The following TAF3 variants were observed in gnomAD, a reference collection of about 807,000 sequenced individuals.
The protein encoded by TAF3 is transcription initiation factor TFIID subunit 3.
TAF3 carries 7 observed loss-of-function variants against 80.6 expected under a neutral mutation model. That is an observed-to-expected ratio of 0.09 (90% CI 0.05 to 0.16). The LOEUF (loss-of-function observed/expected upper bound fraction) is 0.16. Ranked by LOEUF, TAF3 falls within the 10% of genes least tolerant of loss-of-function variation. The pLI is 1.00. For synonymous variants in TAF3, 444 were observed against 446.1 expected, an observed-to-expected ratio of 1.00 and a Z score of 0.06; for missense variants, 921 against 1,140.2, an observed-to-expected ratio of 0.81 and a Z score of 2.77.
chr10:7,897,579 T>C (rs1055915534), intron 2 of TAF3, among the ~76,000 whole-genome samples: 1 of 152,190 alleles, frequency 6.6e-6, no homozygotes, highest in South Asian at 2.1e-4. Context: ...TGATAATCCA[T>C]ACCCTTCGGT....
intron 2 of TAF3, among the ~76,000 whole-genome samples, chr10:7,933,876 C>G (rs142982628): frequency 2.6e-5 from 4 of 152,186 alleles, no homozygotes; most frequent in African/African-American, 9.7e-5. Flanking sequence ...CAAAGATGCA[C>G]GTTTTCCCCC....
At chr10:7,999,092 G>A (rs1044318516) in intron 4 of TAF3, among the ~76,000 whole-genome samples, 2 of 151,872 alleles carry the variant, frequency 1.3e-5, no homozygotes, top group African/African-American at 4.8e-5. Context: ...TTAAGCAGAT[G>A]GAAGGAAGGT....
intron 2 of TAF3, among the ~76,000 whole-genome samples, chr10:7,951,716 G>A (rs960574402): frequency 7.9e-5 from 12 of 152,170 alleles, no homozygotes; most frequent in East Asian, 1.9e-4. Context: ...ATACTAAGTC[G>A]TTTATATACA....
At chr10:7,872,081 AAGTC>A (rs1368429582) in intron 2 of TAF3, among the ~76,000 whole-genome samples, 3 of 152,312 alleles carry the variant, frequency 2.0e-5, no homozygotes, top group East Asian at 1.9e-4. Context: ...ATATTAAAGA[AAGTC>A]AGCGAAATTT....
At chr10:7,932,626 C>T (rs550442821) in intron 2 of TAF3, among the ~76,000 whole-genome samples, 29 of 151,118 alleles carry the variant, frequency 1.9e-4, no homozygotes, top group Admixed American at 7.2e-4. Context: ...ATTCTTAGTC[C>T]AAAATACAAG....
At chr10:7,905,739 C>T (rs934060109) in intron 2 of TAF3, among the ~76,000 whole-genome samples, 3 of 151,928 alleles carry the variant, frequency 2.0e-5, no homozygotes, top group Non-Finnish European at 4.4e-5. Context: ...AAAAATTAGT[C>T]GGGCGTGGTG....
intron 4 of TAF3, among the ~76,000 whole-genome samples, chr10:7,998,265 GTA>G (rs58358249): frequency 0.44 from 59,090 of 132,940 alleles, 13,108 homozygotes; most frequent in Admixed American, 0.54. Context: ...ATATATATAT[GTA>G]TATATATATA....
chr10:7,834,094 TG>T (rs1339466044), intron 2 of TAF3: 2 of 167,074 alleles, frequency 1.2e-5, no homozygotes, highest in African/African-American at 4.8e-5. Flanking sequence ...TTACATGTTT[TG>T]GGCGTGAGCC....
chr10:7,936,785 A>G (rs1190230076), intron 2 of TAF3, among the ~76,000 whole-genome samples: 1 of 152,188 alleles, frequency 6.6e-6, no homozygotes, highest in Non-Finnish European at 1.5e-5. Flanking sequence ...CCATTGCAGT[A>G]TCATACAGAC....
In TAF3 at chr10:7,818,828, G is replaced by T; in HGVS notation, c.119G>T (p.Arg40Leu). The T allele has an allele frequency of 6.4e-7, 1 of 1,554,880 alleles. No individual in the cohort carries two copies. The highest frequency in any genetic ancestry group is 1.1e-5 in the South Asian group (1 of 87,654). ...CACCTCCTCACGGACGTGCTGCAGC[G>T]CTATCTGCAGCAGCTGGGCCGGGGC... is the stretch of plus-strand genomic sequence containing the variant. ...ACHLLTDVLQ[R>L]YLQQLGRGCH... The change falls in exon 1 of 7, where the codon CGC becomes CTC. Residue 40 changes from arginine to leucine, a missense_variant. Transcript: ENST00000344293.
intron 2 of TAF3, among the ~76,000 whole-genome samples, chr10:7,918,400 G>A (rs1837732531): frequency 6.6e-6 from 1 of 152,174 alleles, no homozygotes; most frequent in Non-Finnish European, 1.5e-5. Flanking sequence ...TAGAGTAAGG[G>A]AAGAGTGGGA....
At chr10:7,857,745 T>G (rs1389870776) in intron 2 of TAF3, among the ~76,000 whole-genome samples, 1 of 151,438 alleles carries the variant, frequency 6.6e-6, no homozygotes, top group Non-Finnish European at 1.5e-5. Flanking sequence ...CTTTTTTATG[T>G]GATTATTTAC....
chr10:7,853,164 A>T (rs529281201), intron 2 of TAF3, among the ~76,000 whole-genome samples: 65 of 152,300 alleles, frequency 4.3e-4, no homozygotes, highest in Middle Eastern at 3.4e-3. Flanking sequence ...GCCTTTATTT[A>T]AAAAAATCAT....
chr10:7,888,320 A>T (rs1837428481), intron 2 of TAF3, among the ~76,000 whole-genome samples: 1 of 152,166 alleles, frequency 6.6e-6, no homozygotes, highest in Non-Finnish European at 1.5e-5. Flanking sequence ...TTCCAGAGTG[A>T]TGCACATAAT....
intron 2 of TAF3, among the ~76,000 whole-genome samples, chr10:7,893,951 C>G (rs1489919323): frequency 6.6e-6 from 1 of 152,174 alleles, no homozygotes; most frequent in Admixed American, 6.5e-5. Flanking sequence ...TTTCTCTCTT[C>G]TCCCTTCTTT....
intron 2 of TAF3, among the ~76,000 whole-genome samples, chr10:7,921,352 T>C (rs1463305653): frequency 6.6e-6 from 1 of 152,162 alleles, no homozygotes; most frequent in Non-Finnish European, 1.5e-5. Context: ...AAATTCTCAC[T>C]TTTTAGTCAT....
chr10:7,911,980 C>CG (rs959355942), intron 2 of TAF3, among the ~76,000 whole-genome samples: 8 of 152,130 alleles, frequency 5.3e-5, no homozygotes, highest in Non-Finnish European at 1.2e-4. Flanking sequence ...GCTACCACAA[C>CG]GAGTCATATG....
At chr10:7,956,596 G>A (rs953404269) in intron 2 of TAF3, among the ~76,000 whole-genome samples, 29 of 152,128 alleles carry the variant, frequency 1.9e-4, no homozygotes, top group Admixed American at 1.3e-3. Flanking sequence ...CCCTATTTTT[G>A]TATACATTAT....
At chr10:8,003,291 T>C (rs1030882051) in intron 4 of TAF3, among the ~76,000 whole-genome samples, 2 of 152,186 alleles carry the variant, frequency 1.3e-5, no homozygotes, top group Admixed American at 1.3e-4. Flanking sequence ...TTTGTAATTT[T>C]TGTGTGGTTA....
Sources: gnomAD v4.1 joint callset for allele counts (sites outside exome capture counted in the v4.1 genomes callset) on GRCh38, gnomAD v4.1.1 for gene constraint, MANE v1.5 for transcripts, NCBI Gene and HGNC (gene_info 2026-07-23, HGNC 2026-07-21) for gene names.